The following GSE1 variants were observed in gnomAD, a reference collection of about 807,000 sequenced individuals.
GSE1 encodes Gse1 coiled-coil protein.
Under a neutral mutation model 112.6 loss-of-function variants are expected in GSE1, and 32 were observed. The observed-to-expected ratio is 0.28, with a 90% CI of 0.21 to 0.38. GSE1 has a LOEUF of 0.38. Ranked by LOEUF, GSE1 falls within the 10% of genes least tolerant of loss-of-function variation. GSE1 has a pLI of 1.00. For missense variants in GSE1, 2,348 were observed against 1,699.2 expected, an observed-to-expected ratio of 1.38 and a Z score of -6.71; for synonymous variants, 1,115 against 735.6, an observed-to-expected ratio of 1.52 and a Z score of -8.35.
chr16:85,361,131 A>ACC (rs1555569965), intron 2 of GSE1, among the ~76,000 whole-genome samples: 7 of 115,508 alleles, frequency 6.1e-5, no homozygotes, highest in South Asian at 3.4e-4. Context: ...ACAGGCACAG[A>ACC]CCCCCCCCAC....
At chr16:85,363,256 C>G (rs1266910451) in intron 2 of GSE1, among the ~76,000 whole-genome samples, 1 of 152,214 alleles carries the variant, frequency 6.6e-6, no homozygotes, top group Non-Finnish European at 1.5e-5. Flanking sequence ...AGGGGCTCCT[C>G]CCTTTCTCAC....
At chr16:85,354,668 C>T (rs1441258676) in intron 1 of GSE1, among the ~76,000 whole-genome samples, 1 of 152,250 alleles carries the variant, frequency 6.6e-6, no homozygotes, top group Non-Finnish European at 1.5e-5. Context: ...TGCACCCCTC[C>T]AGCCCATCCC....
At chr16:85,510,415 T>C (rs1567548254) in intron 2 of GSE1, among the ~76,000 whole-genome samples, 1 of 152,084 alleles carries the variant, frequency 6.6e-6, no homozygotes, top group Non-Finnish European at 1.5e-5. Context: ...TGCGTGTGTG[T>C]GTGTCTGTGT....
intron 2 of GSE1, among the ~76,000 whole-genome samples, chr16:85,437,133 G>A (rs1257759522): frequency 2.6e-5 from 4 of 152,104 alleles, no homozygotes; most frequent in Admixed American, 6.5e-5. Context: ...GTGGGGCGAC[G>A]AGGCGGCCTG....
Position 85,394,877 on chromosome 16 carries a change from C to G in GSE1, c.2464+37234C>G, listed in dbSNP as rs113063370. Among the ~76,000 whole-genome samples the G allele has an allele frequency of 7.0e-3, 1,071 of 152,274 alleles. 17 individuals are homozygous for G. Among genetic ancestry groups the G allele is most frequent in the African/African-American group, 0.024 (1,003 of 41,542 alleles). Reference sequence around the variant, plus strand: ...ACGGTTTCTGGGCTCAAACATTGGCCCAGACCAAGGGTAGATGAATGGTCT... The same window carrying G: ...ACGGTTTCTGGGCTCAAACATTGGCGCAGACCAAGGGTAGATGAATGGTCT... On this transcript the variant is annotated intron_variant, in intron 2 of 2. Coordinates refer to the GSE1 transcript ENST00000637419.
At chr16:85,506,103 G>A (rs1450340347) in intron 2 of GSE1, among the ~76,000 whole-genome samples, 1 of 152,150 alleles carries the variant, frequency 6.6e-6, no homozygotes, top group African/African-American at 2.4e-5. Flanking sequence ...GAGGTGACCT[G>A]CAGACACCAG....
chr16:85,647,203 CTCTTGGCTGT>C (rs2050946002), intron 2 of GSE1, among the ~76,000 whole-genome samples: 1 of 152,202 alleles, frequency 6.6e-6, no homozygotes, highest in African/African-American at 2.4e-5. Context: ...TTGGGGTATC[CTCTTGGCTGT>C]AGCCACCAGT....
At position 85,544,407 on chromosome 16, in the gene GSE1, A is replaced by C. The variant is rs8053402; in HGVS notation, c.2465-89507A>C. Among the ~76,000 whole-genome samples, 1,458 of 152,332 alleles carry C rather than the reference A, an allele frequency of 9.6e-3. 31 individuals carry two copies. Among genetic ancestry groups the C allele is most frequent in the African/African-American group, 0.034 (1,408 of 41,566 alleles). On this transcript the variant is annotated intron_variant, in intron 2 of 2. Transcript: ENST00000637419. ...GTTCAGGCATGACCCGCTGGAGGGC[A>C]AGTAAAGGACAGCTCAGGCCACGGG...
chr16:85,450,901 CT>C (rs2049660133), intron 2 of GSE1, among the ~76,000 whole-genome samples: 2 of 152,036 alleles, frequency 1.3e-5, no homozygotes, highest in African/African-American at 2.4e-5. Flanking sequence ...CCCCTGCCCC[CT>C]GTCTCTACTA....
At chr16:85,399,756 C>G (rs1009976010) in intron 2 of GSE1, among the ~76,000 whole-genome samples, 2 of 152,238 alleles carry the variant, frequency 1.3e-5, no homozygotes, top group African/African-American at 4.8e-5. Context: ...GCACATTCTG[C>G]TGAGTTCGGG....
At chr16:85,401,951 A>G (rs552282230) in intron 2 of GSE1, among the ~76,000 whole-genome samples, 2 of 152,340 alleles carry the variant, frequency 1.3e-5, no homozygotes, top group South Asian at 4.1e-4. Context: ...TCCAGGTATG[A>G]GTCTGCAGGT....
At chr16:85,640,846 G>A (rs969402335) in intron 2 of GSE1, among the ~76,000 whole-genome samples, 10 of 152,252 alleles carry the variant, frequency 6.6e-5, no homozygotes, top group Non-Finnish European at 1.2e-4. Context: ...TCTGTCTCCC[G>A]CGCAGGTGTG....
At chr16:85,558,143 A>C (rs982648423) in intron 1 of GSE1, among the ~76,000 whole-genome samples, 1 of 152,194 alleles carries the variant, frequency 6.6e-6, no homozygotes, top group Non-Finnish European at 1.5e-5. Flanking sequence ...TATCTCTCCC[A>C]TGGGAAGATT....
intron 1 of GSE1, among the ~76,000 whole-genome samples, chr16:85,186,093 T>C (rs767500720): frequency 2.0e-5 from 3 of 152,192 alleles, no homozygotes; most frequent in Non-Finnish European, 2.9e-5. Flanking sequence ...TATGTCCCCC[T>C]AGGCTTGAGA....
chr16:85,640,648 G>T (rs766810687), intron 2 of GSE1, among the ~76,000 whole-genome samples: 2 of 152,244 alleles, frequency 1.3e-5, no homozygotes, highest in African/African-American at 2.4e-5. Flanking sequence ...ATGAGCTGCC[G>T]TGGGAATGCT....
intron 1 of GSE1, among the ~76,000 whole-genome samples, chr16:85,571,208 C>T (rs1055974135): frequency 2.4e-4 from 37 of 152,202 alleles, no homozygotes; most frequent in African/African-American, 8.7e-4. Flanking sequence ...TCACGTGCAC[C>T]CTTCCAAGGC....
chr16:85,520,361 TGG>T (rs199688510), intron 2 of GSE1, among the ~76,000 whole-genome samples: 4,575 of 152,144 alleles, frequency 0.03, 109 homozygotes, highest in South Asian at 0.1. Context: ...CACAAACATT[TGG>T]ATTGTAGCAG....
At chr16:85,415,577 C>T (rs2048685559) in intron 2 of GSE1, among the ~76,000 whole-genome samples, 1 of 152,386 alleles carries the variant, frequency 6.6e-6, no homozygotes, top group East Asian at 1.9e-4. Context: ...CCAGCCAGGG[C>T]CCCGAGCAAA....
chr16:85,479,723 G>A (rs1433257052), intron 2 of GSE1, among the ~76,000 whole-genome samples: 1 of 152,208 alleles, frequency 6.6e-6, no homozygotes, highest in Non-Finnish European at 1.5e-5. Context: ...AGCGCAGCGA[G>A]GGGCTGGCTG....
Sources: gnomAD v4.1 joint callset for allele counts (sites outside exome capture counted in the v4.1 genomes callset) on GRCh38, gnomAD v4.1.1 for gene constraint, MANE v1.5 for transcripts, NCBI Gene and HGNC (gene_info 2026-07-23, HGNC 2026-07-21) for gene names.